MAGI2: variants seen among roughly 807,000 people sequenced by gnomAD.
MAGI2 encodes the protein membrane associated guanylate kinase, WW and PDZ domain containing 2.
In MAGI2, 35 loss-of-function variants were observed where a neutral mutation model predicts 133.3. The ratio of observed to expected loss-of-function variants is 0.26; its 90% CI spans 0.20 to 0.35. MAGI2 has a LOEUF of 0.35. Among genes scored for constraint, MAGI2 ranks in the 10% least tolerant of loss-of-function variants. The pLI, the probability that MAGI2 is intolerant of heterozygous loss-of-function variation, is 1.00. For missense variants in MAGI2, 1,636 were observed against 1,863.4 expected (o/e 0.88, Z 2.25); for synonymous variants, 729 against 710.6 (o/e 1.03, Z -0.41).
rs1796638597 is a variant in MAGI2, at chr7:78,290,919, T to C, written c.1409-34338A>G. On this transcript the variant is annotated intron_variant, in intron 9 of 21. Transcript: ENST00000354212. Reference sequence around the variant, plus strand: ...CAAAGACACAACATACCAGAATCTCTGGGATACATTTAAAGCAGTGTGTAG... The same window carrying C: ...CAAAGACACAACATACCAGAATCTCCGGGATACATTTAAAGCAGTGTGTAG... Among the ~76,000 whole-genome samples, 3 of 152,154 alleles carry C rather than the reference T, an allele frequency of 2.0e-5. No homozygotes were observed. In the South Asian group the frequency reaches 6.2e-4, roughly 32 times the overall value.
At chr7:78,940,474 A>G (rs747489802) in intron 2 of MAGI2, 8 of 152,184 alleles carry the variant, frequency 5.3e-5, no homozygotes, top group Non-Finnish European at 8.8e-5. Flanking sequence ...ATTTACTGTC[A>G]TATTGGAACG....
chr7:78,927,696 T>C (rs1378215246), intron 2 of MAGI2, among the ~76,000 whole-genome samples: 1 of 151,936 alleles, frequency 6.6e-6, no homozygotes, highest in Non-Finnish European at 1.5e-5. Context: ...CTCCAAAAAA[T>C]CTTTTGAGTA....
intron 3 of MAGI2, among the ~76,000 whole-genome samples, chr7:78,626,595 T>C (rs1244654595): frequency 1.3e-5 from 2 of 152,172 alleles, no homozygotes; most frequent in South Asian, 2.1e-4. Context: ...GAGATTTCTA[T>C]TGTGGTAGAG....
chr7:79,398,924 C>T (rs1845250948), intron 1 of MAGI2, among the ~76,000 whole-genome samples: 1 of 151,994 alleles, frequency 6.6e-6, no homozygotes, highest in Non-Finnish European at 1.5e-5. Flanking sequence ...CCTTAGGGCT[C>T]AGATCAAATT....
chr7:78,804,447 TAA>T (rs1200651481), intron 2 of MAGI2, among the ~76,000 whole-genome samples: 3 of 134,826 alleles, frequency 2.2e-5, no homozygotes, highest in Non-Finnish European at 3.2e-5. Context: ...TAAACTAAAC[TAA>T]AAAAAAAAAA....
chr7:78,743,888 G>A (rs1004349883), intron 2 of MAGI2, among the ~76,000 whole-genome samples: 1 of 151,982 alleles, frequency 6.6e-6, no homozygotes, highest in Non-Finnish European at 1.5e-5. Context: ...CCTTCTGTCT[G>A]AAAAGTCTAA....
chr7:79,222,012 T>C (rs1830478280), intron 1 of MAGI2, among the ~76,000 whole-genome samples: 1 of 152,098 alleles, frequency 6.6e-6, no homozygotes, highest in Admixed American at 6.5e-5. Context: ...ACCCACTCAT[T>C]GAAGGGTATA....
chr7:78,834,500 C>A (rs957491542), intron 2 of MAGI2, among the ~76,000 whole-genome samples: 1 of 152,162 alleles, frequency 6.6e-6, no homozygotes, highest in African/African-American at 2.4e-5. Context: ...TCATCCATGT[C>A]ATAGCATGTA....
At chr7:78,953,514 A>C (rs965798868) in intron 2 of MAGI2, among the ~76,000 whole-genome samples, 1 of 152,152 alleles carries the variant, frequency 6.6e-6, no homozygotes, top group African/African-American at 2.4e-5. Flanking sequence ...AATAACTTAT[A>C]ATAACATTAT....
At chr7:79,050,262 A>G (rs1562832537) in intron 1 of MAGI2, among the ~76,000 whole-genome samples, 1 of 152,172 alleles carries the variant, frequency 6.6e-6, no homozygotes, top group Non-Finnish European at 1.5e-5. Flanking sequence ...TTCATTTAAC[A>G]TCAACATAAA....
intron 1 of MAGI2, among the ~76,000 whole-genome samples, chr7:79,367,722 G>A (rs1842789113): frequency 1.3e-5 from 2 of 151,502 alleles, no homozygotes; most frequent in Admixed American, 6.6e-5. Flanking sequence ...TAGTTTTCAG[G>A]TAGGTTTTTT....
chr7:78,953,610 T>G (rs145052510), intron 2 of MAGI2, among the ~76,000 whole-genome samples: 3 of 152,260 alleles, frequency 2.0e-5, no homozygotes, highest in Non-Finnish European at 2.9e-5. Context: ...AATATGAAAG[T>G]ACATAAAAAG....
intron 16 of MAGI2, among the ~76,000 whole-genome samples, chr7:78,144,377 G>A (rs1321836916): frequency 2.6e-5 from 4 of 152,014 alleles, no homozygotes; most frequent in Non-Finnish European, 5.9e-5. Context: ...AGAGGATTTA[G>A]CACTCTTCCT....
rs568418885 is a variant in MAGI2 at position 78,477,231 on chromosome 7, C to T, written c.1045+12530G>A. ...TGGCAGTGTGATTGACAGAGACTCACATTTAGCACTTACAGAGATTGTTCC... is the reference window on the plus strand; with the variant it reads ...TGGCAGTGTGATTGACAGAGACTCATATTTAGCACTTACAGAGATTGTTCC... On this transcript the variant is annotated intron_variant, in intron 6 of 21. Transcript: ENST00000354212. Among the ~76,000 whole-genome samples the T allele has an allele frequency of 2.6e-5, 4 of 152,066 alleles. No homozygotes were observed. The South Asian group carries it at 6.2e-4, about 24-fold the overall frequency.
chr7:78,521,662 A>G lies in MAGI2; in HGVS notation c.539-17T>C, dbSNP rs1796515933. On this transcript the variant is annotated splice_polypyrimidine_tract_variant and intron_variant, in intron 3 of 21. Transcript: ENST00000354212. ...AGTAATTGTCTGCAAACAATACCAA[A>G]ACATTCTTGGAGTTAAATATTTCTT... The G allele has an allele frequency of 1.2e-6, 2 of 1,603,574 alleles. No homozygotes were observed. Among genetic ancestry groups the G allele is most frequent in the South Asian group, 1.1e-5 (1 of 90,820 alleles).
At chr7:78,133,606 A>G (rs934237759) in intron 17 of MAGI2, among the ~76,000 whole-genome samples, 3 of 152,212 alleles carry the variant, frequency 2.0e-5, no homozygotes, top group Non-Finnish European at 4.4e-5. Flanking sequence ...GAGTCACAAA[A>G]CTATTCTATT....
intron 3 of MAGI2, among the ~76,000 whole-genome samples, chr7:78,564,780 A>ATTTTTTT (rs1584654139): frequency 2.1e-4 from 15 of 72,160 alleles, no homozygotes; most frequent in Admixed American, 3.4e-4. Context: ...TCTCTTTGAC[A>ATTTTTTT]TTCTTTTTTT....
At chr7:78,570,492 G>A (rs868433758) in intron 3 of MAGI2, among the ~76,000 whole-genome samples, 4 of 152,264 alleles carry the variant, frequency 2.6e-5, no homozygotes, top group Middle Eastern at 6.8e-3. Context: ...GACGAATCAA[G>A]TAAAAGAACA....
chr7:78,698,724 AG>A (rs1365628767), intron 2 of MAGI2, among the ~76,000 whole-genome samples: 1 of 152,198 alleles, frequency 6.6e-6, no homozygotes, highest in Non-Finnish European at 1.5e-5. Flanking sequence ...TCATGGCAGA[AG>A]GGGAAGCCAA....
Sources: allele counts gnomAD v4.1 joint callset (sites outside exome capture counted in the v4.1 genomes callset), GRCh38; gene constraint gnomAD v4.1.1; transcripts MANE v1.5; gene names NCBI Gene and HGNC (gene_info 2026-07-23, HGNC 2026-07-21).